Variants in FNDC3B observed in about 807,000 individuals in gnomAD.
FNDC3B encodes fibronectin type III domain-containing protein 3B.
FNDC3B carries 12 observed loss-of-function variants against 151.5 expected under a neutral mutation model. That is an observed-to-expected ratio of 0.08 (90% CI 0.05 to 0.13). The LOEUF (loss-of-function observed/expected upper bound fraction) is 0.13, where lower values mean the gene tolerates loss of function less well. FNDC3B is among the 10% of genes least tolerant of loss of function. The pLI is 1.00. For synonymous variants in FNDC3B, 528 were observed against 549.0 expected (o/e 0.96, Z 0.54); for missense variants, 1,214 against 1,505.3 (o/e 0.81, Z 3.20).
intron 2 of FNDC3B, among the ~76,000 whole-genome samples, chr3:172,125,481 A>G (rs2108561208): frequency 6.6e-6 from 1 of 152,248 alleles, no homozygotes; most frequent in South Asian, 2.1e-4. Context: ...AGGTAGAGAT[A>G]GTAGAGGTAG....
chr3:172,228,844 A>C (rs541035525), intron 4 of FNDC3B, among the ~76,000 whole-genome samples: 5 of 152,314 alleles, frequency 3.3e-5, no homozygotes, highest in African/African-American at 1.2e-4. Context: ...ACCTTCCGTG[A>C]TAGTATTATG....
At chr3:172,339,856 T>C (rs899837174) in intron 16 of FNDC3B, among the ~76,000 whole-genome samples, 7 of 152,234 alleles carry the variant, frequency 4.6e-5, no homozygotes, top group Admixed American at 1.3e-4. Flanking sequence ...TGACCTGTAA[T>C]ATCAGGATAA....
At chr3:172,217,683 T>G (rs1011012606) in intron 3 of FNDC3B, among the ~76,000 whole-genome samples, 1 of 152,080 alleles carries the variant, frequency 6.6e-6, no homozygotes, top group African/African-American at 2.4e-5. Flanking sequence ...AAAAACAACT[T>G]GATAAAGTAG....
intron 3 of FNDC3B, among the ~76,000 whole-genome samples, chr3:172,207,331 A>G (rs1220731256): frequency 6.6e-6 from 1 of 152,172 alleles, no homozygotes; most frequent in East Asian, 1.9e-4. Flanking sequence ...CACTTTCTCC[A>G]CAATCATTAA....
Position 172,125,286 on chromosome 3 carries a change from G to T in FNDC3B, c.112-8185G>T, listed in dbSNP as rs756357327. Among the ~76,000 whole-genome samples, 5 of 152,288 alleles carry T rather than the reference G, an allele frequency of 3.3e-5. No homozygotes were observed. In the South Asian group the frequency reaches 8.3e-4, roughly 25 times the overall value. Reference sequence around the variant, plus strand: ...GTCGGAAGGCCTGGAGGTCAGGCTTGTGTTTGCAAAAGGAGCTGGGAGTGA... The same window carrying T: ...GTCGGAAGGCCTGGAGGTCAGGCTTTTGTTTGCAAAAGGAGCTGGGAGTGA... On this transcript the variant is annotated intron_variant, in intron 2 of 25. Transcript: ENST00000415807.
chr3:172,331,995 T>G (rs1809800), intron 13 of FNDC3B, among the ~76,000 whole-genome samples: 90,232 of 151,928 alleles, frequency 0.59, 27,544 homozygotes, highest in Middle Eastern at 0.76. Flanking sequence ...TTTTGAGATG[T>G]AGTTTCGCCT....
intron 3 of FNDC3B, among the ~76,000 whole-genome samples, chr3:172,163,163 T>G (rs567157231): frequency 6.6e-6 from 1 of 151,962 alleles, no homozygotes; most frequent in East Asian, 1.9e-4. Flanking sequence ...CCTAGCTACT[T>G]GGGAGGCTGA....
At chr3:172,287,493 G>A (rs562855303) in intron 7 of FNDC3B, among the ~76,000 whole-genome samples, 24 of 152,196 alleles carry the variant, frequency 1.6e-4, no homozygotes, top group Non-Finnish European at 3.4e-4. Context: ...ATAAGGGAGA[G>A]ATCAGAAAAG....
At chr3:172,082,638 A>G (rs934349164) in intron 1 of FNDC3B, among the ~76,000 whole-genome samples, 4 of 152,212 alleles carry the variant, frequency 2.6e-5, no homozygotes, top group African/African-American at 9.6e-5. Flanking sequence ...TGAACGTGGA[A>G]TCACTGGAAT....
intron 11 of FNDC3B, among the ~76,000 whole-genome samples, chr3:172,312,632 G>T (rs780659372): frequency 1.1e-4 from 16 of 151,894 alleles, no homozygotes; most frequent in Non-Finnish European, 1.2e-4. Context: ...AGGGCACTGT[G>T]TGTGTATGTG....
In FNDC3B at chr3:172,362,765, A is replaced by C. The variant is rs1177435329; in HGVS notation, c.2928A>C (p.Leu976=). The C allele has an allele frequency of 6.2e-7, 1 of 1,614,102 alleles. No homozygotes were observed. The highest frequency in any genetic ancestry group is 8.5e-7 in the Non-Finnish European group (1 of 1,180,004). The change falls in exon 23 of 26, where the codon CTA becomes CTC. Residue 976 remains leucine (L), a synonymous_variant. Coordinates refer to ENST00000415807, the MANE Select transcript of FNDC3B (RefSeq NM_022763.4). ...CAAAGPQSLK[L]KWGDSNSKTH... is the part of the protein sequence containing the mutation. ...CTGCTGGTCCTCAGAGCCTGAAGCT[A>C]AAATGGGGAGACAGTAACTCCAAGA...
intron 22 of FNDC3B, among the ~76,000 whole-genome samples, chr3:172,356,598 T>C (rs1356163715): frequency 6.6e-6 from 1 of 152,134 alleles, no homozygotes; most frequent in Non-Finnish European, 1.5e-5. Flanking sequence ...ATGGTGGCAT[T>C]GGTGTCAAAG....
intron 6 of FNDC3B, among the ~76,000 whole-genome samples, chr3:172,252,426 G>A (rs1728133418): frequency 6.6e-6 from 1 of 151,554 alleles, no homozygotes; most frequent in African/African-American, 2.4e-5. Context: ...CATTCTCACA[G>A]ACACAGTCCC....
chr3:172,260,020 G>A (rs1261080433), intron 6 of FNDC3B, among the ~76,000 whole-genome samples: 1 of 152,172 alleles, frequency 6.6e-6, no homozygotes, highest in African/African-American at 2.4e-5. Context: ...ACCATATGTA[G>A]TACTGAACTC....
intron 3 of FNDC3B, chr3:172,225,645 ATGACTAC>A (rs1726527062): frequency 6.3e-6 from 1 of 157,758 alleles, no homozygotes; most frequent in African/African-American, 2.4e-5. Context: ...TGGGAGTGGT[ATGACTAC>A]TTCTATGAAG....
chr3:172,149,041 G>T (rs1353551283), intron 3 of FNDC3B, among the ~76,000 whole-genome samples: 4 of 152,178 alleles, frequency 2.6e-5, no homozygotes, highest in Non-Finnish European at 5.9e-5. Context: ...AGTAGCTCTG[G>T]ATAATGTATT....
At chr3:172,335,750 TA>T (rs1313660242) in intron 15 of FNDC3B, 1 of 152,176 alleles carries the variant, frequency 6.6e-6, no homozygotes, top group Non-Finnish European at 1.5e-5. Flanking sequence ...AATTAATATG[TA>T]AAAGTGTTAT....
chr3:172,267,870 T>G (rs1729005230), intron 6 of FNDC3B, among the ~76,000 whole-genome samples: 1 of 152,230 alleles, frequency 6.6e-6, no homozygotes, highest in African/African-American at 2.4e-5. Flanking sequence ...TAGCTAATGT[T>G]ATAATAGATT....
intron 4 of FNDC3B, among the ~76,000 whole-genome samples, chr3:172,230,608 G>T (rs191452153): frequency 2.6e-5 from 4 of 152,012 alleles, no homozygotes; most frequent in African/African-American, 9.7e-5. Context: ...AATCTGGAAC[G>T]TATAAAAAAC....
Sources: allele counts gnomAD v4.1 joint callset (sites outside exome capture counted in the v4.1 genomes callset), GRCh38; gene constraint gnomAD v4.1.1; transcripts MANE v1.5; gene names NCBI Gene and HGNC (gene_info 2026-07-23, HGNC 2026-07-21).